Variants in SMARCC1 observed in about 807,000 individuals in gnomAD.
SMARCC1 encodes the protein SWI/SNF related BAF chromatin remodeling complex subunit C1.
In SMARCC1, 43 loss-of-function variants were observed where a neutral mutation model predicts 147.4. That is an observed-to-expected ratio of 0.29 (90% confidence interval 0.23 to 0.38). SMARCC1 has a LOEUF of 0.38. Among genes scored for constraint, SMARCC1 ranks in the 10% least tolerant of loss-of-function variants. SMARCC1 has a pLI of 1.00. For synonymous variants in SMARCC1, 495 were observed against 484.4 expected (o/e 1.02, Z -0.29); for missense variants, 1,119 against 1,381.1 (o/e 0.81, Z 3.01).
At chr3:47,659,760 A>AGGGGGGGGGG (rs71619691) in intron 21 of SMARCC1, among the ~76,000 whole-genome samples, 1 of 47,786 alleles carries the variant, frequency 2.1e-5, no homozygotes, top group Non-Finnish European at 3.7e-5. Flanking sequence ...GAAAAAAAAA[A>AGGGGGGGGGG]GGGGGGGGGG....
In SMARCC1 at chr3:47,776,746, TATGTAAATATATAG is replaced by T. The variant is rs551862098; in HGVS notation, c.196-3824_196-3811del. Among the ~76,000 whole-genome samples, 254 of 152,084 alleles carry T rather than the reference TATGTAAATATATAG, an allele frequency of 1.7e-3. 1 individual carries two copies. The highest frequency in any genetic ancestry group is 5.8e-3 in the African/African-American group (241 of 41,486). On this transcript the variant is annotated intron_variant, in intron 1 of 27. Coordinates refer to ENST00000254480, the MANE Select transcript of SMARCC1 (RefSeq NM_003074.4). Reference sequence around the variant, plus strand: ...AAATATACATATATATGTAAACATATATGTAAATATATAGATGTAAATATATATATATTTTTTCT... The same window carrying T: ...AAATATACATATATATGTAAACATATATGTAAATATATATATATTTTTTCT...
At chr3:47,772,122 G>A (rs1450058499) in intron 2 of SMARCC1, among the ~76,000 whole-genome samples, 1 of 152,092 alleles carries the variant, frequency 6.6e-6, no homozygotes, top group Non-Finnish European at 1.5e-5. Context: ...TGGTGTGGTG[G>A]CTCGCACCAG....
At chr3:47,749,736 CAG>C (rs71070224) in intron 2 of SMARCC1, among the ~76,000 whole-genome samples, 3,038 of 110,718 alleles carry the variant, frequency 0.027, 108 homozygotes, top group African/African-American at 0.085. Flanking sequence ...GAGAAAGAGA[CAG>C]AGAGAGAGAG....
chr3:47,609,676 G>A (rs983628712), intron 26 of SMARCC1, among the ~76,000 whole-genome samples: 2 of 152,182 alleles, frequency 1.3e-5, no homozygotes, highest in African/African-American at 4.8e-5. Flanking sequence ...GAAGATTTCC[G>A]TAACAAAAAG....
intron 25 of SMARCC1, among the ~76,000 whole-genome samples, chr3:47,620,832 AT>A (rs2032720839): frequency 1.3e-5 from 2 of 152,226 alleles, no homozygotes. Context: ...CCTTTCTAGT[AT>A]TTATTTTGAA....
intron 6 of SMARCC1, among the ~76,000 whole-genome samples, chr3:47,723,837 A>G (rs146959065): frequency 9.5e-4 from 144 of 152,230 alleles, no homozygotes; most frequent in African/African-American, 3.3e-3. Flanking sequence ...AAAAAGAAAA[A>G]AGAAAAACGA....
At chr3:47,605,379 T>C (rs1202359925) in intron 26 of SMARCC1, among the ~76,000 whole-genome samples, 2 of 152,078 alleles carry the variant, frequency 1.3e-5, no homozygotes, top group Non-Finnish European at 2.9e-5. Context: ...GACTAATAAA[T>C]AGTACAGCCA....
intron 14 of SMARCC1, among the ~76,000 whole-genome samples, chr3:47,685,157 C>A (rs1189202161): frequency 6.6e-6 from 1 of 152,058 alleles, no homozygotes; most frequent in Non-Finnish European, 1.5e-5. Context: ...GTTCCTTGAA[C>A]AGAAGCACTG....
chr3:47,719,593 T>C (rs957673128), intron 7 of SMARCC1, among the ~76,000 whole-genome samples: 1 of 151,592 alleles, frequency 6.6e-6, no homozygotes, highest in Non-Finnish European at 1.5e-5. Context: ...TCCCAGCTAC[T>C]AGGAAGGATG....
chr3:47,679,707 C>T (rs1163520717), intron 15 of SMARCC1, among the ~76,000 whole-genome samples: 1 of 151,528 alleles, frequency 6.6e-6, no homozygotes, highest in Non-Finnish European at 1.5e-5. Context: ...ACTAAAAATA[C>T]AAAAATTAGC....
At chr3:47,773,140 T>C (rs1388306175) in intron 1 of SMARCC1, among the ~76,000 whole-genome samples, 1 of 152,106 alleles carries the variant, frequency 6.6e-6, no homozygotes, top group Non-Finnish European at 1.5e-5. Flanking sequence ...TTTTTTCTTT[T>C]CTTTGAGACG....
intron 22 of SMARCC1, among the ~76,000 whole-genome samples, chr3:47,637,826 C>G (rs975500715): frequency 1.3e-5 from 2 of 152,184 alleles, no homozygotes; most frequent in African/African-American, 4.8e-5. Context: ...CACTAACACA[C>G]TGGCTACTTT....
At chr3:47,617,254 T>A (rs1013668257) in intron 25 of SMARCC1, among the ~76,000 whole-genome samples, 1 of 152,266 alleles carries the variant, frequency 6.6e-6, no homozygotes, top group Admixed American at 6.5e-5. Context: ...CAGTCTGGAA[T>A]GTAAGAAGGG....
At chr3:47,608,994 A>G (rs1177425286) in intron 26 of SMARCC1, among the ~76,000 whole-genome samples, 1 of 152,152 alleles carries the variant, frequency 6.6e-6, no homozygotes, top group African/African-American at 2.4e-5. Context: ...GCACAGCCAC[A>G]TTGTGGAAAA....
Position 47,680,504 on chromosome 3 carries a change from G to T in SMARCC1, c.1390C>A (p.His464Asn). ...GGAAGAGCACGCCGTTCAATCACAT[G>T]AATACTGAAAAGAAGAAGAAAAAAA... ...YASWFDYNCI[H>N]VIERRALPEF... is the part of the protein sequence containing the mutation. Residue 464 changes from histidine (H) to asparagine (N), a missense_variant, in exon 15 of 28, where the codon CAT (histidine) becomes AAT (asparagine). This residue lies in a region of SMARCC1 where 542 missense variants were observed against 611.8 expected (regional missense o/e 0.89). Coordinates refer to ENST00000254480, the MANE Select transcript of SMARCC1 (RefSeq NM_003074.4). The T allele has an allele frequency of 6.9e-7, 1 of 1,451,544 alleles. No homozygotes were observed. The highest frequency in any genetic ancestry group is 9.5e-7 in the Non-Finnish European group (1 of 1,051,722). The allele number at this position is 1,451,544 out of a possible 1,614,324, so 89.9% of individuals were successfully genotyped here.
At chr3:47,622,469 C>T (rs987138455) in intron 24 of SMARCC1, 128 bp from the exon 25 acceptor site, 14 of 833,272 alleles carry the variant, frequency 1.7e-5, no homozygotes, top group Admixed American at 5.0e-5. Flanking sequence ...TCCTTTGTAA[C>T]GTACAATCTA....
intron 19 of SMARCC1, among the ~76,000 whole-genome samples, chr3:47,665,609 C>A (rs2033410281): frequency 6.6e-6 from 1 of 152,038 alleles, no homozygotes. Context: ...TCCAGAAGAG[C>A]ACAGAGTTGA....
intron 25 of SMARCC1, among the ~76,000 whole-genome samples, chr3:47,621,324 G>T (rs1054335997): frequency 3.5e-5 from 5 of 144,116 alleles, no homozygotes; most frequent in Admixed American, 2.7e-4. Context: ...AAAAAGAAAA[G>T]AAATCGTTCT....
chr3:47,635,083 T>C, intron 24 of SMARCC1, 107 bp downstream of exon 24: 1 of 933,006 alleles, frequency 1.1e-6, no homozygotes, highest in Non-Finnish European at 1.6e-6. Flanking sequence ...AGCAGTCATC[T>C]CCTATTGGGA....
Sources: allele counts gnomAD v4.1 joint callset (sites outside exome capture counted in the v4.1 genomes callset), GRCh38; gene constraint gnomAD v4.1.1; regional missense constraint gnomAD v4.1.1; transcripts MANE v1.5; gene names NCBI Gene and HGNC (gene_info 2026-07-23, HGNC 2026-07-21).